Variants in TRAM1 observed in about 807,000 individuals in gnomAD.
TRAM1 encodes the protein translocation associated membrane protein 1.
In TRAM1, 17 loss-of-function variants were observed where a neutral mutation model predicts 48.7. The ratio of observed to expected loss-of-function variants is 0.35; its 90% CI spans 0.24 to 0.52. The LOEUF (loss-of-function observed/expected upper bound fraction) is 0.52, where lower values mean the gene tolerates loss of function less well. Ranked by LOEUF, TRAM1 falls within the 20% of genes least tolerant of loss-of-function variation. The probability of loss-of-function intolerance (pLI) is 0.94; values close to 1 mark genes in which losing one functional copy is unlikely to be tolerated. For missense variants in TRAM1, 351 were observed against 441.5 expected (o/e 0.79, Z 1.84); for synonymous variants, 182 against 154.0 (o/e 1.18, Z -1.34).
intron 6 of TRAM1, among the ~76,000 whole-genome samples, chr8:70,594,074 T>C (rs1253957755): frequency 2.6e-5 from 4 of 152,224 alleles, no homozygotes; most frequent in African/African-American, 7.2e-5. Flanking sequence ...TTACTTTTTT[T>C]TCCAATACTG....
At chr8:70,586,509 GT>G (rs1817224812) in intron 8 of TRAM1, among the ~76,000 whole-genome samples, 1 of 151,936 alleles carries the variant, frequency 6.6e-6, no homozygotes, top group Non-Finnish European at 1.5e-5. Flanking sequence ...CTCCAATTCT[GT>G]TTTCAGTTCA....
chr8:70,607,418 T>C (rs1817763326), intron 1 of TRAM1: 1 of 985,342 alleles, frequency 1.0e-6, no homozygotes, highest in South Asian at 4.7e-5. Flanking sequence ...TAATATCAGT[T>C]TAAAAGACAA....
intron 1 of TRAM1, among the ~76,000 whole-genome samples, chr8:70,603,879 A>G (rs1817663138): frequency 6.7e-6 from 1 of 149,602 alleles, no homozygotes; most frequent in African/African-American, 2.5e-5. Context: ...TAGAAGAAGA[A>G]GAGGAAAAAT....
intron 6 of TRAM1, among the ~76,000 whole-genome samples, chr8:70,593,453 C>T (rs995474003): frequency 1.3e-5 from 2 of 149,096 alleles, no homozygotes; most frequent in Non-Finnish European, 3.0e-5. Flanking sequence ...ATATACACAA[C>T]AGACAGAAAA....
At chr8:70,579,218 G>GTA (rs1186683646) in intron 10 of TRAM1, among the ~76,000 whole-genome samples, 8 of 152,166 alleles carry the variant, frequency 5.3e-5, no homozygotes, top group Non-Finnish European at 1.2e-4. Context: ...AGGCTATATG[G>GTA]TATAGCCTAT....
chr8:70,591,343 C>G (rs1022681526), intron 6 of TRAM1, among the ~76,000 whole-genome samples: 9 of 152,126 alleles, frequency 5.9e-5, no homozygotes, highest in Non-Finnish European at 1.2e-4. Flanking sequence ...GGTAGGCCAG[C>G]CTCCCTCAAT....
At chr8:70,583,903 C>T (rs1817141576) in intron 8 of TRAM1, 110 bp from the exon 9 acceptor site, 1 of 1,261,008 alleles carries the variant, frequency 7.9e-7, no homozygotes, top group Non-Finnish European at 1.1e-6. Flanking sequence ...ATCCCAGCTA[C>T]TTGGGAGGCT....
intron 10 of TRAM1, among the ~76,000 whole-genome samples, chr8:70,575,515 G>C (rs1162856739): frequency 1.3e-5 from 2 of 151,964 alleles, no homozygotes; most frequent in African/African-American, 4.8e-5. Context: ...AACTCCCGGG[G>C]ACCAGTGATG....
At chr8:70,596,747 T>C (rs1817495205) in intron 4 of TRAM1, among the ~76,000 whole-genome samples, 1 of 151,008 alleles carries the variant, frequency 6.6e-6, no homozygotes, top group Non-Finnish European at 1.5e-5. Flanking sequence ...TTTATGGAAT[T>C]ACGTCAATAA....
At chr8:70,587,573 C>G (rs553273147) in intron 6 of TRAM1, 1 of 163,864 alleles carries the variant, frequency 6.1e-6, no homozygotes, top group Admixed American at 6.1e-5. Flanking sequence ...AGATCTATGG[C>G]TCTTTTTTCT....
At chr8:70,593,962 T>G (rs1817424933) in intron 6 of TRAM1, among the ~76,000 whole-genome samples, 1 of 152,218 alleles carries the variant, frequency 6.6e-6, no homozygotes, top group East Asian at 1.9e-4. Flanking sequence ...GCAGTTTACT[T>G]ATTTGTTCAA....
At chr8:70,584,009 A>G (rs1817145422) in intron 8 of TRAM1, among the ~76,000 whole-genome samples, 1 of 152,090 alleles carries the variant, frequency 6.6e-6, no homozygotes, top group African/African-American at 2.4e-5. Context: ...GCGAAACTCC[A>G]TCTCAAAAAA....
intron 10 of TRAM1, among the ~76,000 whole-genome samples, chr8:70,579,405 T>G (rs1269747393): frequency 5.3e-5 from 8 of 152,226 alleles, no homozygotes; most frequent in Admixed American, 5.2e-4. Flanking sequence ...ACACATATGT[T>G]GTACAGCTGT....
chr8:70,583,536 T>A, intron 9 of TRAM1, 114 bp downstream of exon 9: 1 of 1,422,420 alleles, frequency 7.0e-7, no homozygotes, highest in Non-Finnish European at 9.5e-7. Context: ...TAAAATCAAA[T>A]GAGTATTTTC....
Position 70,594,693 on chromosome 8 carries a change from T to C in TRAM1, c.486-103A>G, listed in dbSNP as rs577864059. 55 of 858,152 alleles carry C rather than the reference T, an allele frequency of 6.4e-5. No individual in the cohort carries two copies. In the East Asian group the frequency reaches 1.4e-3, roughly 22 times the overall value. The allele number at this position is 858,152 out of a possible 1,614,324, so 53.2% of individuals were successfully genotyped here. A position where few individuals can be genotyped will look rare whatever the true frequency, so the allele number is the denominator to read the frequency against. On this transcript the variant is annotated intron_variant, in intron 5 of 10. Coordinates refer to ENST00000262213, the MANE Select transcript of TRAM1 (RefSeq NM_014294.6). ...AGGATATACTAAGTAACTACCTTTG[T>C]GTCATCATTCCATACAATATCTGTG...
At chr8:70,599,720 G>A (rs1383549549) in intron 2 of TRAM1, among the ~76,000 whole-genome samples, 1 of 152,142 alleles carries the variant, frequency 6.6e-6, no homozygotes, top group Non-Finnish European at 1.5e-5. Flanking sequence ...ATTTTAAAAA[G>A]ATCTTTTCTT....
At position 70,584,505 on chromosome 8, in the gene TRAM1, C is replaced by A. The variant is rs192074648; in HGVS notation, c.747-712G>T. ...TGGAAGTCTAATTGTCCCTGTTTGCCGATGACATGATTGTATAACTAGAAA... is the reference window on the plus strand; with the variant it reads ...TGGAAGTCTAATTGTCCCTGTTTGCAGATGACATGATTGTATAACTAGAAA... On this transcript the variant is annotated intron_variant, in intron 8 of 10. Coordinates refer to ENST00000262213, the MANE Select transcript of TRAM1 (RefSeq NM_014294.6). Among the ~76,000 whole-genome samples, 926 of 152,180 alleles carry A rather than the reference C, an allele frequency of 6.1e-3. 7 individuals are homozygous for A. Among genetic ancestry groups the A allele is most frequent in the South Asian group, 0.035 (171 of 4,820 alleles).
Position 70,574,001 on chromosome 8 carries a change from A to G in TRAM1, c.*931T>C, listed in dbSNP as rs2132018591. ...ATCCACCTGAATTTTCAATTTCTTT[A>G]AAGTTAGTGCATTAAATGTTTTCCA... On this transcript the variant is annotated 3_prime_UTR_variant, in exon 11 of 11. Transcript: ENST00000262213. 4.9e-6 allele frequency: 1 copy of G among 205,034 alleles called. No individual in the cohort carries two copies. Among genetic ancestry groups the G allele is most frequent in the Non-Finnish European group, 9.9e-6 (1 of 100,680 alleles). 12.7% of individuals were successfully genotyped at this position (205,034 alleles called of 1,614,324 possible). A position where few individuals can be genotyped will look rare whatever the true frequency, so the allele number is the denominator to read the frequency against.
At chr8:70,606,738 CA>C in intron 1 of TRAM1, 2 of 265,582 alleles carry the variant, frequency 7.5e-6, no homozygotes, top group Non-Finnish European at 1.2e-5. Flanking sequence ...ATGCATGACA[CA>C]ATCAGGAGTA....
Sources: allele counts gnomAD v4.1 joint callset (sites outside exome capture counted in the v4.1 genomes callset), GRCh38; gene constraint gnomAD v4.1.1; transcripts MANE v1.5; gene names NCBI Gene and HGNC (gene_info 2026-07-23, HGNC 2026-07-21).